The following PARD3 variants were observed in gnomAD, a reference collection of about 807,000 sequenced individuals.
PARD3 encodes par-3 family cell polarity regulator.
A neutral mutation model predicts 155.4 loss-of-function variants in PARD3; 75 were observed. The observed-to-expected ratio is 0.48, with a 90% confidence interval of 0.40 to 0.58. The LOEUF is 0.58. Ranked by LOEUF, PARD3 falls within the 20% of genes least tolerant of loss-of-function variation. The pLI is 0.00. For missense variants in PARD3, 1,642 were observed against 1,721.7 expected (o/e 0.95, Z 0.82); for synonymous variants, 576 against 610.5 (o/e 0.94, Z 0.83).
At chr10:34,147,002 CT>C (rs201006240) in intron 22 of PARD3, among the ~76,000 whole-genome samples, 1 of 151,960 alleles carries the variant, frequency 6.6e-6, no homozygotes, top group Non-Finnish European at 1.5e-5. Flanking sequence ...TACTGAAAGC[CT>C]TTTTTGTTTC....
chr10:34,415,601 T>C (rs1032291492), intron 5 of PARD3, among the ~76,000 whole-genome samples: 6 of 152,142 alleles, frequency 3.9e-5, no homozygotes, highest in Admixed American at 3.3e-4. Flanking sequence ...ACGATTCTTA[T>C]CTAAAAAGGA....
At chr10:34,712,270 C>A (rs2094459593) in intron 1 of PARD3, among the ~76,000 whole-genome samples, 1 of 152,176 alleles carries the variant, frequency 6.6e-6, no homozygotes, top group Non-Finnish European at 1.5e-5. Flanking sequence ...ATGGAATAAT[C>A]CAAGCCTAAG....
chr10:34,343,439 T>C, intron 15 of PARD3: 2 of 979,188 alleles, frequency 2.0e-6, no homozygotes, highest in Non-Finnish European at 2.4e-6. Context: ...TTAACTGTTG[T>C]GATACAATAT....
intron 22 of PARD3, among the ~76,000 whole-genome samples, chr10:34,252,625 T>A (rs908997548): frequency 6.6e-5 from 10 of 152,146 alleles, no homozygotes; most frequent in Non-Finnish European, 1.3e-4. Flanking sequence ...ACAGTGGAGT[T>A]TATCACCAGT....
At chr10:34,476,106 C>T (rs1443176975) in intron 3 of PARD3, among the ~76,000 whole-genome samples, 2 of 151,894 alleles carry the variant, frequency 1.3e-5, no homozygotes, top group Admixed American at 1.3e-4. Flanking sequence ...CTGGGCAACA[C>T]AGTGAGACCT....
intron 1 of PARD3, among the ~76,000 whole-genome samples, chr10:34,703,106 A>C (rs1823488355): frequency 6.6e-6 from 1 of 152,146 alleles, no homozygotes; most frequent in Non-Finnish European, 1.5e-5. Context: ...AAAACAGGCC[A>C]GGCACAGTGG....
intron 2 of PARD3, among the ~76,000 whole-genome samples, chr10:34,601,724 AT>A (rs1461107578): frequency 6.6e-6 from 1 of 152,212 alleles, no homozygotes; most frequent in African/African-American, 2.4e-5. Context: ...TACATTTGAA[AT>A]TCATTAAATA....
chr10:34,716,599 T>C (rs1293773470), intron 1 of PARD3, among the ~76,000 whole-genome samples: 1 of 143,890 alleles, frequency 6.9e-6, no homozygotes, highest in Admixed American at 7.0e-5. Context: ...TTTTTTTTTT[T>C]TTTTTTTTTT....
At chr10:34,787,016 C>T (rs60723302) in intron 1 of PARD3, among the ~76,000 whole-genome samples, 4,780 of 152,232 alleles carry the variant, frequency 0.031, 246 homozygotes, top group African/African-American at 0.11. Flanking sequence ...CAGAAAACTG[C>T]TAGATCTTTT....
chr10:34,330,379 T>C (rs1258972122), intron 19 of PARD3, among the ~76,000 whole-genome samples: 1 of 152,164 alleles, frequency 6.6e-6, no homozygotes, highest in Non-Finnish European at 1.5e-5. Flanking sequence ...AAAACATTCA[T>C]ATTAACCTTT....
intron 2 of PARD3, among the ~76,000 whole-genome samples, chr10:34,695,766 A>T (rs2094158454): frequency 6.6e-6 from 1 of 152,164 alleles, no homozygotes; most frequent in Non-Finnish European, 1.5e-5. Flanking sequence ...GGCCCTGCAC[A>T]GGAGAGGCTG....
chr10:34,723,070 A>C (rs974071272), intron 1 of PARD3, among the ~76,000 whole-genome samples: 2 of 152,188 alleles, frequency 1.3e-5, no homozygotes, highest in Non-Finnish European at 2.9e-5. Flanking sequence ...TTGGCCAGGC[A>C]CGGTGGCTTA....
chr10:34,358,404 G>A (rs535651136), intron 14 of PARD3, among the ~76,000 whole-genome samples: 44 of 152,214 alleles, frequency 2.9e-4, no homozygotes, highest in Admixed American at 2.0e-3. Context: ...ATACAATACA[G>A]ATCACTGAAA....
At chr10:34,803,036 G>A (rs1009578275) in intron 1 of PARD3, among the ~76,000 whole-genome samples, 3 of 142,742 alleles carry the variant, frequency 2.1e-5, no homozygotes, top group Non-Finnish European at 4.5e-5. Flanking sequence ...GACCAGCCTG[G>A]CCAACAAGAT....
At chr10:34,758,584 C>T (rs1441975417) in intron 1 of PARD3, among the ~76,000 whole-genome samples, 1 of 152,320 alleles carries the variant, frequency 6.6e-6, no homozygotes, top group South Asian at 2.1e-4. Context: ...CAGAAGGACA[C>T]CTCATGATGA....
At chr10:34,419,542 A>T (rs1026076948) in intron 5 of PARD3, among the ~76,000 whole-genome samples, 2 of 152,172 alleles carry the variant, frequency 1.3e-5, no homozygotes, top group Non-Finnish European at 2.9e-5. Context: ...AAAAGAAGTA[A>T]TGTGCAAAGA....
intron 16 of PARD3, among the ~76,000 whole-genome samples, chr10:34,340,221 C>T (rs1322408284): frequency 6.6e-6 from 1 of 152,192 alleles, no homozygotes; most frequent in African/African-American, 2.4e-5. Context: ...CACTAATATA[C>T]TGCTTTATAA....
chr10:34,536,315 G>A (rs1564820435), intron 2 of PARD3, among the ~76,000 whole-genome samples: 2 of 152,172 alleles, frequency 1.3e-5, no homozygotes, highest in Non-Finnish European at 2.9e-5. Flanking sequence ...AGTGACTACA[G>A]TGACTTCACT....
intron 2 of PARD3, among the ~76,000 whole-genome samples, chr10:34,681,626 T>C (rs2093822288): frequency 6.8e-6 from 1 of 146,600 alleles, no homozygotes; most frequent in South Asian, 2.1e-4. Context: ...TTTCCTTTAT[T>C]ATATATAATA....
Sources: gnomAD v4.1 joint callset for allele counts (sites outside exome capture counted in the v4.1 genomes callset) on GRCh38, gnomAD v4.1.1 for gene constraint, MANE v1.5 for transcripts, NCBI Gene and HGNC (gene_info 2026-07-23, HGNC 2026-07-21) for gene names.